The following PRKN variants were observed in gnomAD, a reference collection of about 807,000 sequenced individuals.
PRKN encodes the protein parkin RBR E3 ubiquitin protein ligase.
A neutral mutation model predicts 59.5 loss-of-function variants in PRKN; 56 were observed. The observed-to-expected ratio is 0.94, with a 90% CI of 0.76 to 1.18. The LOEUF is 1.18. PRKN is among the 50% of genes most tolerant of loss of function. The probability of loss-of-function intolerance (pLI) is 0.00; values close to 1 mark genes in which losing one functional copy is unlikely to be tolerated. For synonymous variants in PRKN, 250 were observed against 222.1 expected (o/e 1.13, Z -1.12); for missense variants, 657 against 596.4 (o/e 1.10, Z -1.06).
At chr6:162,435,381 T>G (rs752854332) in intron 2 of PRKN, among the ~76,000 whole-genome samples, 2 of 152,146 alleles carry the variant, frequency 1.3e-5, no homozygotes, top group Non-Finnish European at 1.5e-5. Context: ...TGCTTATTGA[T>G]GGCAATCCTC....
chr6:161,766,981 C>T (rs1043176367), intron 7 of PRKN, among the ~76,000 whole-genome samples: 15 of 152,280 alleles, frequency 9.9e-5, no homozygotes, highest in African/African-American at 3.6e-4. Context: ...CAGAGAATCA[C>T]TGTGAGGCTT....
At position 161,562,169 on chromosome 6, in the gene PRKN, C is replaced by G. The variant is rs1296603964; in HGVS notation, c.933+7186G>C. ...AGCCCCGCCTTCTTGGCTTCCCCAACACCATAAATCAGCATTTCTCCTCTG... is the reference window on the plus strand; with the variant it reads ...AGCCCCGCCTTCTTGGCTTCCCCAAGACCATAAATCAGCATTTCTCCTCTG... On this transcript the variant is annotated intron_variant, in intron 8 of 11. Transcript: ENST00000366898. This position sits in a 1 kb window ranked among gnomAD's most constrained non-coding sequence, Gnocchi z 4.3. 6.6e-6 allele frequency among the ~76,000 whole-genome samples: 1 copy of G among 152,072 alleles called. No individual in the cohort carries two copies. Among genetic ancestry groups the G allele is most frequent in the Admixed American group, 6.5e-5 (1 of 15,276 alleles).
At position 162,363,208 on chromosome 6, in the gene PRKN, C is replaced by T. The variant is rs899982352; in HGVS notation, c.171+80102G>A. On this transcript the variant is annotated intron_variant, in intron 2 of 11. Transcript: ENST00000366898. ...GAAAGAGGGTTAGCTTCACTTGGCC[C>T]TCCATGCCCCTGCCCAGGCACGTGT... Among the ~76,000 whole-genome samples the T allele has an allele frequency of 5.3e-5, 8 of 151,582 alleles. 1 individual carries two copies. In the South Asian group the frequency reaches 1.0e-3, roughly 20 times the overall value.
chr6:162,293,591 C>G (rs1224577217), intron 2 of PRKN, among the ~76,000 whole-genome samples: 1 of 152,178 alleles, frequency 6.6e-6, no homozygotes. Flanking sequence ...TTTTCGAGTG[C>G]TCTTCCTCCA....
chr6:161,965,810 G>A (rs949966576), intron 6 of PRKN, among the ~76,000 whole-genome samples: 1 of 152,032 alleles, frequency 6.6e-6, no homozygotes, highest in Non-Finnish European at 1.5e-5. Context: ...AGACCTGGGA[G>A]GGATAGAAAG....
At chr6:162,259,687 A>C (rs909592347) in intron 3 of PRKN, among the ~76,000 whole-genome samples, 1 of 152,358 alleles carries the variant, frequency 6.6e-6, no homozygotes, top group East Asian at 1.9e-4. Context: ...TTCTCTGTAT[A>C]ATTTTAAATA....
chr6:161,558,613 A>G (rs1780334262), intron 8 of PRKN, among the ~76,000 whole-genome samples: 1 of 152,036 alleles, frequency 6.6e-6, no homozygotes, highest in Non-Finnish European at 1.5e-5. Context: ...CATCTTTTAG[A>G]AACTAATGAA....
At position 161,379,467 on chromosome 6, in the gene PRKN, G is replaced by C. The variant is rs1172466290; in HGVS notation, c.1167+7327C>G. Among the ~76,000 whole-genome samples, 3 of 152,208 alleles carry C rather than the reference G, an allele frequency of 2.0e-5. No homozygotes were observed. Among genetic ancestry groups the C allele is most frequent in the Non-Finnish European group, 4.4e-5 (3 of 68,034 alleles). On this transcript the variant is annotated intron_variant, in intron 10 of 11. Transcript: ENST00000366898. The surrounding 1 kb of genome is among the most constrained non-coding windows in gnomAD (Gnocchi z 4.9). ...TTCCACAAGCAAATGTCTCCAGGCA[G>C]TGCAAGGGGCAGACGACAGCAGATG...
chr6:161,415,219 C>T (rs530376521), intron 9 of PRKN, among the ~76,000 whole-genome samples: 3 of 152,070 alleles, frequency 2.0e-5, no homozygotes, highest in African/African-American at 7.2e-5. Context: ...TTACCGTGTC[C>T]GCGAGGAACC....
chr6:161,616,110 G>A (rs561785075), intron 7 of PRKN, among the ~76,000 whole-genome samples: 3 of 152,072 alleles, frequency 2.0e-5, no homozygotes, highest in Admixed American at 2.0e-4. Flanking sequence ...CTGAACTCTC[G>A]TGTGGCCTGT....
intron 2 of PRKN, among the ~76,000 whole-genome samples, chr6:162,425,348 A>T (rs2128160728): frequency 6.6e-6 from 1 of 152,314 alleles, no homozygotes; most frequent in East Asian, 1.9e-4. Context: ...TCTAACACAG[A>T]AACCTTGTGA....
At chr6:162,421,507 C>T (rs541569040) in intron 2 of PRKN, among the ~76,000 whole-genome samples, 2 of 152,232 alleles carry the variant, frequency 1.3e-5, no homozygotes, top group African/African-American at 4.8e-5. Flanking sequence ...CTATTATGTA[C>T]TCTTAGTTCA....
At chr6:162,236,861 AGAGAGAGAAAGAATGG>A (rs1234445071) in intron 3 of PRKN, among the ~76,000 whole-genome samples, 4 of 151,482 alleles carry the variant, frequency 2.6e-5, no homozygotes, top group Middle Eastern at 3.2e-3. Flanking sequence ...AAGGAAGGAA[AGAGAGAGAAAGAATGG>A]GAGAGAGAGA....
chr6:161,545,270 A>G lies in PRKN; in HGVS notation c.1083+3584T>C, dbSNP rs1472420812. On this transcript the variant is annotated intron_variant, in intron 9 of 11. Transcript: ENST00000366898. The surrounding 1 kb of genome is among the most constrained non-coding windows in gnomAD (Gnocchi z 4.1). ...CAGGCATCTTACAATAAATCTGTGA[A>G]CCACATCCTGATAATCACTGGAGTT... 1.7e-5 allele frequency: 25 copies of G among 1,459,940 alleles called. No homozygotes were observed. Among genetic ancestry groups the G allele is most frequent in the Non-Finnish European group, 2.3e-5 (25 of 1,104,700 alleles). 90.4% of individuals were successfully genotyped at this position (1,459,940 alleles called of 1,614,324 possible).
At chr6:162,635,588 ATTT>A (rs1392273159) in intron 1 of PRKN, among the ~76,000 whole-genome samples, 3 of 94,350 alleles carry the variant, frequency 3.2e-5, no homozygotes, top group African/African-American at 1.1e-4. Flanking sequence ...AAGTTTTCTT[ATTT>A]TATTATAATA....
At chr6:161,845,311 C>G (rs1258825308) in intron 6 of PRKN, among the ~76,000 whole-genome samples, 2 of 152,096 alleles carry the variant, frequency 1.3e-5, no homozygotes, top group Non-Finnish European at 2.9e-5. Context: ...CACAGTGTGC[C>G]CTACAAATAT....
At chr6:161,888,870 C>T (rs534876341) in intron 6 of PRKN, among the ~76,000 whole-genome samples, 26 of 152,240 alleles carry the variant, frequency 1.7e-4, no homozygotes, top group Non-Finnish European at 2.5e-4. Context: ...TCCTCAATCC[C>T]ATTGCTGGAT....
chr6:162,328,774 G>A (rs1284100865), intron 2 of PRKN, among the ~76,000 whole-genome samples: 1 of 152,174 alleles, frequency 6.6e-6, no homozygotes, highest in Non-Finnish European at 1.5e-5. Flanking sequence ...TGGAGGAGGA[G>A]CGAGCGGCTG....
chr6:162,668,469 A>T (rs1216452378), intron 1 of PRKN, among the ~76,000 whole-genome samples: 1 of 152,144 alleles, frequency 6.6e-6, no homozygotes, highest in Non-Finnish European at 1.5e-5. Flanking sequence ...GACCTGGGCT[A>T]TGGCTAGAAG....
Sources: gnomAD v4.1 joint callset for allele counts (sites outside exome capture counted in the v4.1 genomes callset) on GRCh38, gnomAD v4.1.1 for gene constraint, Gnocchi (gnomAD v3.1) non-coding constraint, MANE v1.5 for transcripts, NCBI Gene and HGNC (gene_info 2026-07-23, HGNC 2026-07-21) for gene names.